F13A1: variants seen among roughly 807,000 people sequenced by gnomAD.
F13A1 encodes the protein FSF, A subunit.
Under a neutral mutation model 80.1 loss-of-function variants are expected in F13A1, and 47 were observed. The observed-to-expected ratio is 0.59, with a 90% CI of 0.46 to 0.75. The LOEUF is 0.75. Among genes scored for constraint, F13A1 ranks in the 30% least tolerant of loss-of-function variants. F13A1 has a pLI of 0.00. For synonymous variants in F13A1, 349 were observed against 344.9 expected (o/e 1.01, Z -0.13); for missense variants, 817 against 930.4 (o/e 0.88, Z 1.59).
intron 3 of F13A1, among the ~76,000 whole-genome samples, chr6:6,280,186 T>G (rs551582746): frequency 6.6e-6 from 1 of 152,308 alleles, no homozygotes; most frequent in South Asian, 2.1e-4. Flanking sequence ...TACTAGTGCT[T>G]ATGATGAGCA....
intron 10 of F13A1, among the ~76,000 whole-genome samples, chr6:6,185,314 T>G (rs1561647055): frequency 7.8e-6 from 1 of 128,774 alleles, no homozygotes; most frequent in Non-Finnish European, 1.6e-5. Flanking sequence ...CAAAGTGTGA[T>G]GATATTCCCC....
chr6:6,206,409 A>C (rs1761490737), intron 8 of F13A1: 1 of 462,764 alleles, frequency 2.2e-6, no homozygotes, highest in Non-Finnish European at 4.4e-6. Context: ...TGCCATATGG[A>C]GTGTTTTCTA....
At chr6:6,210,919 C>T (rs1055239163) in intron 8 of F13A1, among the ~76,000 whole-genome samples, 1 of 151,854 alleles carries the variant, frequency 6.6e-6, no homozygotes, top group East Asian at 1.9e-4. Flanking sequence ...TTAGTAGAGA[C>T]AGGTTATCAC....
At chr6:6,312,507 TAA>T (rs533732244) in intron 2 of F13A1, among the ~76,000 whole-genome samples, 5 of 43,122 alleles carry the variant, frequency 1.2e-4, no homozygotes, top group Non-Finnish European at 1.2e-4. Context: ...CAGTCTCTAC[TAA>T]AAAAAAAAAA....
At chr6:6,187,914 C>G (rs941454141) in intron 10 of F13A1, among the ~76,000 whole-genome samples, 1 of 146,250 alleles carries the variant, frequency 6.8e-6, no homozygotes, top group African/African-American at 2.5e-5. Context: ...TGTTATTGGT[C>G]TATTCAGAGA....
Position 6,250,978 on chromosome 6 carries a change from CA to C in F13A1, c.572-50del. On this transcript the variant is annotated intron_variant, in intron 4 of 14. Coordinates refer to ENST00000264870, the MANE Select transcript of F13A1 (RefSeq NM_000129.4). This position sits in a 1 kb window ranked among gnomAD's most constrained non-coding sequence, Gnocchi z 4.2. ...GACTATTACCAAACCAGACTGTTTC[CA>C]AACACTTGCAAGTTTATGCAAGTTT... The C allele has an allele frequency of 7.6e-7, 1 of 1,316,428 alleles. No individual in the cohort carries two copies. The highest frequency in any genetic ancestry group is 1.1e-6 in the Non-Finnish European group (1 of 911,848). The allele number at this position is 1,316,428 out of a possible 1,614,324, so 81.5% of individuals were successfully genotyped here.
intron 6 of F13A1, among the ~76,000 whole-genome samples, chr6:6,234,919 G>A (rs1290915596): frequency 6.6e-6 from 1 of 151,886 alleles, no homozygotes; most frequent in African/African-American, 2.4e-5. Context: ...TAAGTAGCAT[G>A]ACACCATTTG....
At position 6,174,709 on chromosome 6, in the gene F13A1, A is replaced by G; in HGVS notation, c.1618T>C (p.Phe540Leu). The G allele has an allele frequency of 6.2e-7, 1 of 1,614,160 alleles. No individual in the cohort carries two copies. Among genetic ancestry groups the G allele is most frequent in the Non-Finnish European group, 8.5e-7 (1 of 1,180,028 alleles). Residue 540 changes from phenylalanine (F) to leucine (L), a missense_variant, in exon 12 of 15, where the codon TTC (phenylalanine) becomes CTC (leucine). Physicochemically the swap from Phe to Leu is conservative, Grantham distance 22. Coordinates refer to ENST00000264870, the MANE Select transcript of F13A1 (RefSeq NM_000129.4). ...LGKDFKLSIT[F>L]RNNSHNRYTI... ...TAACGGTTGTGGCTGTTGTTCCGGA[A>G]GGTGATGGAGAGCTTGAAGTCTTTT...
At chr6:6,170,944 G>A (rs1332256691) in intron 12 of F13A1, among the ~76,000 whole-genome samples, 1 of 152,166 alleles carries the variant, frequency 6.6e-6, no homozygotes, top group Non-Finnish European at 1.5e-5. Flanking sequence ...AAGTTATTCA[G>A]GACAACCTGG....
rs183045826 is a variant in F13A1, at chr6:6,306,702, C to T, written c.131-1163G>A. The stretch of plus-strand genomic sequence containing the variant: ...AGAAGGGTCGGCAGGGGTGCCCTGG[C>T]CTCTTGCCCTCCCCCTCCCTGCCCC... On this transcript the variant is annotated intron_variant, in intron 2 of 14. Transcript: ENST00000264870. Among the ~76,000 whole-genome samples, 11 of 152,362 alleles carry T rather than the reference C, an allele frequency of 7.2e-5. No homozygotes were observed. In the East Asian group the frequency reaches 1.9e-3, roughly 27 times the overall value.
rs189047897 is a variant in F13A1 at position 6,162,438 on chromosome 6, G to A, written c.1908+5020C>T. On this transcript the variant is annotated intron_variant, in intron 13 of 14. Transcript: ENST00000264870. This position sits in a 1 kb window ranked among gnomAD's most constrained non-coding sequence, Gnocchi z 4.2. The stretch of plus-strand genomic sequence containing the variant: ...TCTTTCTACAGTCTTAATTCTTGAT[G>A]TCCCACACCACTCAAGTGTGTGTGA... Among the ~76,000 whole-genome samples, 90 of 152,200 alleles carry A rather than the reference G, an allele frequency of 5.9e-4. No homozygotes were observed. Among genetic ancestry groups the A allele is most frequent in the African/African-American group, 1.9e-3 (80 of 41,538 alleles).
In F13A1 at chr6:6,222,065, G is replaced by A. The variant is rs145775675; in HGVS notation, c.1080C>T (p.Asn360=). The A allele has an allele frequency of 1.5e-4, 245 of 1,613,842 alleles. No homozygotes were observed. The highest frequency in any genetic ancestry group is 1.8e-4 in the Non-Finnish European group (212 of 1,179,940). ...QMDIFLEEDG[N]VNSKLTKDSV... Reference sequence around the variant, plus strand: ...AATCCTTGGTGAGTTTGGAATTCACGTTCCCATCTTCTTCCAGGAAGATGT... The same window carrying A: ...AATCCTTGGTGAGTTTGGAATTCACATTCCCATCTTCTTCCAGGAAGATGT... The change falls in exon 8 of 15, where the codon AAC becomes AAT. Residue 360 remains asparagine, a synonymous_variant. Transcript: ENST00000264870.
intron 3 of F13A1, among the ~76,000 whole-genome samples, chr6:6,300,291 C>A (rs1758403913): frequency 6.7e-6 from 1 of 150,246 alleles, no homozygotes; most frequent in African/African-American, 2.5e-5. Context: ...TTCCAGGCTG[C>A]TTTGTTTCAG....
intron 3 of F13A1, among the ~76,000 whole-genome samples, chr6:6,303,474 AT>A (rs1758465745): frequency 6.6e-6 from 1 of 152,218 alleles, no homozygotes; most frequent in African/African-American, 2.4e-5. Context: ...TTTGATCAAA[AT>A]ATACATTGTG....
chr6:6,268,174 C>A lies in F13A1; in HGVS notation c.320-1365G>T, dbSNP rs572075922. 2.7e-3 allele frequency among the ~76,000 whole-genome samples: 410 copies of A among 152,292 alleles called. 4 individuals are homozygous for A. The highest frequency in any genetic ancestry group is 9.2e-3 in the African/African-American group (384 of 41,560). The stretch of plus-strand genomic sequence containing the variant: ...TGCCTACTATGTGCTAGACATTATC[C>A]TAAGTGCTAAGGATACAACAGTGAA... On this transcript the variant is annotated intron_variant, in intron 3 of 14. Coordinates refer to ENST00000264870, the MANE Select transcript of F13A1 (RefSeq NM_000129.4).
chr6:6,305,031 A>G (rs1319093532), intron 3 of F13A1: 44 of 417,846 alleles, frequency 1.1e-4, no homozygotes, highest in South Asian at 2.2e-5. Context: ...CACGAGACCA[A>G]TTAAATCATG....
chr6:6,255,525 C>T (rs1757691623), intron 4 of F13A1, among the ~76,000 whole-genome samples: 1 of 152,168 alleles, frequency 6.6e-6, no homozygotes, highest in Admixed American at 6.5e-5. Context: ...TGCCTTGGAA[C>T]ACGGTAGGAA....
chr6:6,281,667 G>A (rs1181872442), intron 3 of F13A1, among the ~76,000 whole-genome samples: 1 of 152,146 alleles, frequency 6.6e-6, no homozygotes, highest in South Asian at 2.1e-4. Context: ...ACATTGTGAA[G>A]ACTCAGTAAA....
At chr6:6,208,704 A>C (rs1192474176) in intron 8 of F13A1, among the ~76,000 whole-genome samples, 1 of 152,172 alleles carries the variant, frequency 6.6e-6, no homozygotes, top group African/African-American at 2.4e-5. Context: ...TCTTTAAGAC[A>C]ACATTAAAAA....
Sources: allele counts gnomAD v4.1 joint callset (sites outside exome capture counted in the v4.1 genomes callset), GRCh38; gene constraint gnomAD v4.1.1; non-coding constraint Gnocchi (gnomAD v3.1); transcripts MANE v1.5; gene names NCBI Gene and HGNC (gene_info 2026-07-23, HGNC 2026-07-21).